Variants in MYOM3 observed in about 807,000 individuals in gnomAD.
The protein encoded by MYOM3 is myomesin-3.
A neutral mutation model predicts 191.7 loss-of-function variants in MYOM3; 155 were observed. That is an observed-to-expected ratio of 0.81 (90% CI 0.71 to 0.92). The LOEUF is 0.92. Among genes scored for constraint, MYOM3 ranks in the 40% least tolerant of loss-of-function variants. The probability of loss-of-function intolerance (pLI) is 0.00; values close to 1 mark genes in which losing one functional copy is unlikely to be tolerated. For missense variants in MYOM3, 1,889 were observed against 1,890.6 expected (o/e 1.00, Z 0.02); for synonymous variants, 757 against 762.9 (o/e 0.99, Z 0.13).
Position 24,063,008 on chromosome 1 carries a change from T to C in MYOM3, c.3770+118A>G, listed in dbSNP as rs1224680268. 6 of 626,310 alleles carry C rather than the reference T, an allele frequency of 9.6e-6. No homozygotes were observed. The highest frequency in any genetic ancestry group is 4.1e-4 in the Middle Eastern group (1 of 2,464). The allele number at this position is 626,310 out of a possible 1,614,324, so 38.8% of individuals were successfully genotyped here. ...GCTAACCCCTGGGACCAGGCTCTGC[T>C]TGGGGGACCAGAAACTCTGCTTGGA... is the stretch of plus-strand genomic sequence containing the variant. On this transcript the variant is annotated intron_variant, in intron 32 of 36. Coordinates refer to ENST00000374434, the MANE Select transcript of MYOM3 (RefSeq NM_152372.4). The surrounding 1 kb of genome is among the most constrained non-coding windows in gnomAD (Gnocchi z 4.5).
chr1:24,084,550 G>T lies in MYOM3; in HGVS notation c.1888C>A (p.Leu630Ile). 2 of 1,613,786 alleles carry T rather than the reference G, an allele frequency of 1.2e-6. No homozygotes were observed. The highest frequency in any genetic ancestry group is 1.7e-6 in the Non-Finnish European group (2 of 1,179,686). Residue 630 changes from leucine to isoleucine, a missense_variant, in exon 16 of 37, where the codon CTC (leucine) becomes ATC (isoleucine). Coordinates refer to ENST00000374434, the MANE Select transcript of MYOM3 (RefSeq NM_152372.4). The stretch of plus-strand genomic sequence containing the variant: ...CGGGAGTAGATGTAATAACCCAGGA[G>T]CTCTGGGTCTTTCACAGGATCCCAT... ...LTWDPVKDPE[L>I]LGYYIYSRKV...
rs776834889 is a variant in MYOM3 at position 24,107,054 on chromosome 1, C to T, written c.402+19G>A. On this transcript the variant is annotated intron_variant, in intron 4 of 36. Transcript: ENST00000374434. The stretch of plus-strand genomic sequence containing the variant: ...GTCGCAGGTCCCAGGCCCTGGGGCT[C>T]CACGGCCCACCCCCTTACCCGCCGC... 19 of 1,592,724 alleles carry T rather than the reference C, an allele frequency of 1.2e-5. No homozygotes were observed. Among genetic ancestry groups the T allele is most frequent in the Non-Finnish European group, 1.6e-5 (19 of 1,170,018 alleles).
At position 24,080,091 on chromosome 1, in the gene MYOM3, G is replaced by C; in HGVS notation, c.2511C>G (p.His837Gln). Residue 837 changes from histidine (H) to glutamine (Q), a missense_variant, in exon 20 of 37, where the codon CAC becomes CAG. By Grantham distance (24) the His-to-Gln change is conservative (BLOSUM62 0). Coordinates refer to ENST00000374434, the MANE Select transcript of MYOM3 (RefSeq NM_152372.4). ...CAGAGCCTTCCTCCTGGAAACTGAC[G>C]TGATAGCCTGTGACAGGCCCAGCCC... ...YMGAGPVTGY[H>Q]VSFQEEGSEQ... The C allele has an allele frequency of 6.2e-7, 1 of 1,614,174 alleles. No individual in the cohort carries two copies.
intron 22 of MYOM3, 42 bp from the exon 23 acceptor site, chr1:24,074,311 T>G (rs1643570888): frequency 1.3e-6 from 2 of 1,506,128 alleles, no homozygotes; most frequent in Non-Finnish European, 1.8e-6. Context: ...AGGAGCTCCT[T>G]GGTCCTGTGC....
chr1:24,059,248 G>A (rs965132405), intron 35 of MYOM3, among the ~76,000 whole-genome samples: 7 of 151,958 alleles, frequency 4.6e-5, no homozygotes, highest in Non-Finnish European at 1.0e-4. Flanking sequence ...ATCCTCCCCC[G>A]CTCAGCCTCC....
chr1:24,095,714 G>T (rs1431525897), intron 7 of MYOM3, among the ~76,000 whole-genome samples: 2 of 152,280 alleles, frequency 1.3e-5, no homozygotes, highest in East Asian at 3.9e-4. Flanking sequence ...CATGAATCAA[G>T]CCACCAGCCA....
Position 24,062,024 on chromosome 1 carries a change from A to G in MYOM3, c.3856T>C (p.Ser1286Pro), listed in dbSNP as rs775781785. Reference protein sequence around the residue: ...IWLHILDPKDSDKGKYTLEIA... With the variant: ...IWLHILDPKDPDKGKYTLEIA... ...TCCAGAGTGTATTTGCCCTTGTCTGAGTCTTTGGGGTCCAGGATGTGAAGC... is the reference window on the plus strand; with the variant it reads ...TCCAGAGTGTATTTGCCCTTGTCTGGGTCTTTGGGGTCCAGGATGTGAAGC... Residue 1286 changes from serine to proline, a missense_variant, in exon 33 of 37, where the codon TCA becomes CCA. Ser to Pro is a moderately conservative substitution (Grantham distance 74). Coordinates refer to ENST00000374434, the MANE Select transcript of MYOM3 (RefSeq NM_152372.4). The G allele has an allele frequency of 6.2e-7, 1 of 1,614,048 alleles. No individual in the cohort carries two copies. Among genetic ancestry groups the G allele is most frequent in the Non-Finnish European group, 8.5e-7 (1 of 1,180,014 alleles).
chr1:24,081,544 G>A (rs1643668914), intron 18 of MYOM3, 88 bp from the exon 19 acceptor site: 1 of 1,476,166 alleles, frequency 6.8e-7, no homozygotes, highest in African/African-American at 1.4e-5. Context: ...CTCAGAGCAG[G>A]TGGTCTGTGG....
chr1:24,074,225 G>T lies in MYOM3; in HGVS notation c.2903C>A (p.Thr968Asn). 6.2e-7 allele frequency: 1 copy of T among 1,614,136 alleles called. No individual in the cohort carries two copies. ...GGCATCAGTGACTATGACTGAGTAG[G>T]TGCCCAAATCCTCGAGGCCGGGTTC... ...LKEPGLEDLG[T>N]YSVIVTDADE... The change falls in exon 23 of 37, where the codon ACC becomes AAC. Residue 968 changes from threonine (T) to asparagine (N), a missense_variant. Physicochemically the swap from Thr to Asn is moderately conservative, Grantham distance 65. Transcript: ENST00000374434.
chr1:24,080,563 C>T (rs4649177), intron 19 of MYOM3, among the ~76,000 whole-genome samples: 98,404 of 151,974 alleles, frequency 0.65, 32,313 homozygotes, highest in East Asian at 0.94. Context: ...AACTCCACCT[C>T]TTCCAGATAT....
Position 24,057,549 on chromosome 1 carries a change from AG to A in MYOM3, c.4128del (p.Phe1377SerfsTer9). The A allele has an allele frequency of 1.2e-6, 2 of 1,614,212 alleles. No individual in the cohort carries two copies. The highest frequency in any genetic ancestry group is 1.7e-6 in the Non-Finnish European group (2 of 1,180,030). On this transcript the variant is annotated frameshift_variant, in exon 37 of 37. Coordinates refer to ENST00000374434, the MANE Select transcript of MYOM3 (RefSeq NM_152372.4). LOFTEE classifies it high-confidence loss of function. Reference sequence around the variant, plus strand: ...ACTTCCATGCGGTATCGGTCAAGGAAGGTGACAGGCTGGTCATTCTTCAGCC... The same window carrying A: ...ACTTCCATGCGGTATCGGTCAAGGAAGTGACAGGCTGGTCATTCTTCAGCC... ...ISWLKNDQPV[T>X]FLDRYRMEVR...
In MYOM3 at chr1:24,105,944, G is replaced by A. The variant is rs1643979051; in HGVS notation, c.536C>T (p.Ala179Val). 3 of 1,613,292 alleles carry A rather than the reference G, an allele frequency of 1.9e-6. No individual in the cohort carries two copies. The African/African-American group carries it at 4.0e-5, about 22-fold the overall frequency. ...CCAGGTGACCTGGGGTGGTGGTGAG[G>A]CCTGGACAGTGCAGGTCAGCAGGAC... is the stretch of plus-strand genomic sequence containing the variant. ...TTVLLTCTVQ[A>V]SPPPQVTWYK... Residue 179 changes from alanine (A) to valine (V), a missense_variant, in exon 5 of 37, where the codon GCC becomes GTC. Coordinates refer to ENST00000374434, the MANE Select transcript of MYOM3 (RefSeq NM_152372.4).
Position 24,092,183 on chromosome 1 carries a change from G to A in MYOM3, c.1223C>T (p.Thr408Ile), listed in dbSNP as rs776202755. The A allele has an allele frequency of 2.0e-6, 3 of 1,464,772 alleles. No individual in the cohort carries two copies. Among genetic ancestry groups the A allele is most frequent in the Middle Eastern group, 1.8e-4 (1 of 5,462 alleles). The allele number at this position is 1,464,772 out of a possible 1,614,324, so 90.7% of individuals were successfully genotyped here. A position where few individuals can be genotyped will look rare whatever the true frequency, so the allele number is the denominator to read the frequency against. The change falls in exon 11 of 37, where the codon ACC (threonine) becomes ATC (isoleucine). Residue 408 changes from threonine (T) to isoleucine (I), a missense_variant. Transcript: ENST00000374434. ...CACGAGGTCGACTCACCGCTCAATG[G>A]TGTAGGCAGTGATGGGGTTGCCCCG... ...DTRGNPITAY[T>I]IERCQGESGE...
chr1:24,092,807 A>T, intron 10 of MYOM3, 140 bp downstream of exon 10: 2 of 888,316 alleles, frequency 2.3e-6, no homozygotes, highest in Non-Finnish European at 3.2e-6. Flanking sequence ...TGGAGACCCC[A>T]ACCCAAAGCC....
intron 16 of MYOM3, 107 bp downstream of exon 16, chr1:24,084,360 AG>A (rs771635862): frequency 7.8e-6 from 10 of 1,281,758 alleles, no homozygotes. Flanking sequence ...TATAGGTCGC[AG>A]AACTGTGAGC....
chr1:24,107,499 C>G (rs1643994525), intron 3 of MYOM3, among the ~76,000 whole-genome samples: 1 of 152,184 alleles, frequency 6.6e-6, no homozygotes, highest in Non-Finnish European at 1.5e-5. Context: ...GTGGCCAGGC[C>G]TTAGTGTCCC....
At chr1:24,097,126 C>T (rs1030792407) in intron 7 of MYOM3, among the ~76,000 whole-genome samples, 22 of 152,162 alleles carry the variant, frequency 1.4e-4, no homozygotes, top group Non-Finnish European at 3.1e-4. Context: ...GGGCCCAAGC[C>T]CAGCTGGAAA....
rs762165582 is a variant in MYOM3, at chr1:24,057,363, G to C, written c.*1C>G. The stretch of plus-strand genomic sequence containing the variant: ...CTCAGACTGTGCCTGGACACACGCT[G>C]TCACATGCTCTTCAGCTCCTTGGGC... On this transcript the variant is annotated 3_prime_UTR_variant, in exon 37 of 37. Transcript: ENST00000374434. 1 of 1,612,374 alleles carries C rather than the reference G, an allele frequency of 6.2e-7. No individual in the cohort carries two copies. Among genetic ancestry groups the C allele is most frequent in the Non-Finnish European group, 8.5e-7 (1 of 1,179,422 alleles).
Position 24,093,111 on chromosome 1 carries a change from G to A in MYOM3, c.929-3C>T, listed in dbSNP as rs1643860673. On this transcript the variant is annotated splice_polypyrimidine_tract_variant and splice_region_variant and intron_variant, in intron 9 of 36. Transcript: ENST00000374434. ...TCTCGAGGACCTCAGTAGGCTCCCT[G>A]TGGAGGGGAAGTGGGGGGCCATTGA... 2 of 1,605,132 alleles carry A rather than the reference G, an allele frequency of 1.2e-6. No homozygotes were observed. Among genetic ancestry groups the A allele is most frequent in the Non-Finnish European group, 1.7e-6 (2 of 1,178,896 alleles).
Sources: allele counts gnomAD v4.1 joint callset (sites outside exome capture counted in the v4.1 genomes callset), GRCh38; gene constraint gnomAD v4.1.1; non-coding constraint Gnocchi (gnomAD v3.1); transcripts MANE v1.5; gene names NCBI Gene and HGNC (gene_info 2026-07-23, HGNC 2026-07-21).